ATP2C2: variants seen among roughly 807,000 people sequenced by gnomAD.
ATP2C2 encodes the protein ATPase secretory pathway Ca2+ transporting 2.
Under a neutral mutation model 110.8 loss-of-function variants are expected in ATP2C2, and 171 were observed. The ratio of observed to expected loss-of-function variants is 1.54; its 90% CI spans 1.36 to 1.75. The LOEUF is 1.75. Ranked by LOEUF, ATP2C2 falls within the 40% of genes most tolerant of loss-of-function variation. The probability of loss-of-function intolerance (pLI) is 0.00; values close to 1 mark genes in which losing one functional copy is unlikely to be tolerated. For synonymous variants in ATP2C2, 804 were observed against 508.4 expected, an observed-to-expected ratio of 1.58 and a Z score of -7.82; for missense variants, 1,963 against 1,235.0, an observed-to-expected ratio of 1.59 and a Z score of -8.84.
At chr16:84,384,341 G>A (rs984457107) in intron 1 of ATP2C2, among the ~76,000 whole-genome samples, 7 of 152,138 alleles carry the variant, frequency 4.6e-5, no homozygotes, top group Non-Finnish European at 8.8e-5. Flanking sequence ...GCTCGGGGAC[G>A]TCATAGGATG....
chr16:84,461,207 G>T (rs1036949020), intron 24 of ATP2C2: 4 of 256,362 alleles, frequency 1.6e-5, no homozygotes, highest in Non-Finnish European at 2.2e-5. Flanking sequence ...TGGCCTGCAG[G>T]TTCAGGGAGC....
At chr16:84,446,655 C>A (rs1909780034) in intron 16 of ATP2C2, among the ~76,000 whole-genome samples, 1 of 152,190 alleles carries the variant, frequency 6.6e-6, no homozygotes, top group Non-Finnish European at 1.5e-5. Flanking sequence ...CCTGGAGTAG[C>A]AGCGGTTGTT....
At chr16:84,451,799 C>A (rs752168295) in intron 17 of ATP2C2, 122 bp from the exon 18 acceptor site, 1 of 998,776 alleles carries the variant, frequency 1.0e-6, no homozygotes, top group East Asian at 2.4e-5. Context: ...CATTACACCA[C>A]TGCACTCCAA....
chr16:84,456,261 ACT>A (rs543108117), intron 21 of ATP2C2, among the ~76,000 whole-genome samples: 25,265 of 142,766 alleles, frequency 0.18, 1,531 homozygotes, highest in South Asian at 0.19. Context: ...CTGGTCCTGG[ACT>A]CTTTTTGGTT....
chr16:84,460,767 T>G lies in ATP2C2; in HGVS notation c.2447T>G (p.Ile816Ser). 6.2e-7 allele frequency: 1 copy of G among 1,613,950 alleles called. No homozygotes were observed. The highest frequency in any genetic ancestry group is 8.5e-7 in the Non-Finnish European group (1 of 1,179,880). The change falls in exon 24 of 27, where the codon ATC (isoleucine) becomes AGC (serine). Residue 816 changes from isoleucine (I) to serine (S), a missense_variant. Transcript: ENST00000262429. ...AAGATCCTCATGTCCGCGGCCATCA[T>G]CATCAGCGGGACCCTCTTTATCTTC... is the stretch of plus-strand genomic sequence containing the variant. The part of the protein sequence containing the change: ...ILKILMSAAI[I>S]ISGTLFIFWK...
Position 84,425,770 on chromosome 16 carries a change from C to T in ATP2C2, c.955C>T (p.Gln319Ter). 6.2e-7 allele frequency: 1 copy of T among 1,614,128 alleles called. No individual in the cohort carries two copies. Among genetic ancestry groups the T allele is most frequent in the African/African-American group, 1.3e-5 (1 of 75,014 alleles). ...GCTCATTGGCTGGTCGCAAGGGAAACAACTCCTGAGTATGTTCACGATCGG... is the reference window on the plus strand; with the variant it reads ...GCTCATTGGCTGGTCGCAAGGGAAATAACTCCTGAGTATGTTCACGATCGG... ...IMLIGWSQGK[Q>*]LLSMFTIGVS... Residue 319 changes from glutamine (Q) to a stop codon, truncating the protein, a stop_gained, in exon 11 of 27, where the codon CAA becomes TAA. Transcript: ENST00000262429. LOFTEE classifies it high-confidence loss of function.
intron 1 of ATP2C2, among the ~76,000 whole-genome samples, chr16:84,379,877 G>A (rs1910475879): frequency 6.6e-6 from 1 of 152,182 alleles, no homozygotes; most frequent in Non-Finnish European, 1.5e-5. Context: ...AAGGAAAGCA[G>A]AGCCTGTAAG....
chr16:84,403,070 A>G (rs1372814897), intron 2 of ATP2C2, among the ~76,000 whole-genome samples: 2 of 152,190 alleles, frequency 1.3e-5, no homozygotes, highest in Non-Finnish European at 2.9e-5. Flanking sequence ...TTATTGGCAT[A>G]TAGTTGCTCC....
chr16:84,426,281 C>G (rs1907809675), intron 11 of ATP2C2, among the ~76,000 whole-genome samples: 1 of 152,040 alleles, frequency 6.6e-6, no homozygotes, highest in Non-Finnish European at 1.5e-5. Flanking sequence ...ACAATTAGAT[C>G]TCTCAGGAAC....
At chr16:84,413,853 G>T (rs537910835) in intron 6 of ATP2C2, among the ~76,000 whole-genome samples, 1 of 152,114 alleles carries the variant, frequency 6.6e-6, no homozygotes, top group Admixed American at 6.5e-5. Flanking sequence ...AGCACCTACT[G>T]TATGCCTGGA....
intron 1 of ATP2C2, among the ~76,000 whole-genome samples, chr16:84,370,969 C>A (rs1909920719): frequency 6.6e-6 from 1 of 152,178 alleles, no homozygotes. Flanking sequence ...TTTGTTTGCT[C>A]AGTGAGCATT....
rs371722139 is a variant in ATP2C2 at position 84,439,521 on chromosome 16, C to T, written c.1206C>T (p.Ala402=). Residue 402 remains alanine (A), a synonymous_variant, in exon 13 of 27, where the codon GCC becomes GCT. Transcript: ENST00000262429. ...TQLVTSDGLR[A]EVSGVGYDGQ... ...TTGTAACGTCAGATGGGCTTCGTGC[C>T]GAGGTGAGTGCCAAAGGAATTTACA... 1.2e-5 allele frequency: 19 copies of T among 1,613,892 alleles called. No homozygotes were observed. Among genetic ancestry groups the T allele is most frequent in the African/African-American group, 9.3e-5 (7 of 74,890 alleles).
chr16:84,444,999 G>C (rs1349960791), intron 15 of ATP2C2, among the ~76,000 whole-genome samples: 2 of 152,154 alleles, frequency 1.3e-5, no homozygotes, highest in African/African-American at 4.8e-5. Context: ...TGGTGATTTA[G>C]TGTAACCAAA....
At chr16:84,404,411 A>G (rs1054445363) in intron 2 of ATP2C2, 5 of 161,220 alleles carry the variant, frequency 3.1e-5, no homozygotes, top group Admixed American at 2.4e-4. Flanking sequence ...TGACTAGTCT[A>G]TGTAATTCAT....
At chr16:84,446,978 C>G (rs540401222) in intron 16 of ATP2C2, among the ~76,000 whole-genome samples, 3 of 152,202 alleles carry the variant, frequency 2.0e-5, no homozygotes, top group Admixed American at 6.5e-5. Flanking sequence ...CGTGTGCACA[C>G]GTGTTGTCCC....
Position 84,405,114 on chromosome 16 carries a change from A to T in ATP2C2, c.211-14A>T, listed in dbSNP as rs770506184. 1.9e-6 allele frequency: 3 copies of T among 1,603,760 alleles called. No individual in the cohort carries two copies. Among genetic ancestry groups the T allele is most frequent in the East Asian group, 2.2e-5 (1 of 44,548 alleles). ...GCGCCCATGAGTGAGCTTGTGCCTG[A>T]CCTCTCCTTCCAGGTGGACTTACAC... On this transcript the variant is annotated splice_polypyrimidine_tract_variant and intron_variant, in intron 2 of 26. Transcript: ENST00000262429.
chr16:84,460,430 A>T, intron 23 of ATP2C2: 2 of 628,626 alleles, frequency 3.2e-6, no homozygotes, highest in Non-Finnish European at 5.6e-6. Flanking sequence ...GTCTTCCTTC[A>T]CTGTCTGCGG....
intron 1 of ATP2C2, among the ~76,000 whole-genome samples, chr16:84,374,844 C>G (rs1039714116): frequency 6.6e-6 from 1 of 151,972 alleles, no homozygotes; most frequent in African/African-American, 2.4e-5. Flanking sequence ...ATGAAAGACC[C>G]GAGAGTTTGG....
intron 4 of ATP2C2, among the ~76,000 whole-genome samples, chr16:84,409,155 T>C (rs1293689728): frequency 6.6e-6 from 1 of 152,144 alleles, no homozygotes; most frequent in Non-Finnish European, 1.5e-5. Context: ...TGCAGGGACA[T>C]GGATGAAGCT....
Sources: allele counts gnomAD v4.1 joint callset (sites outside exome capture counted in the v4.1 genomes callset), GRCh38; gene constraint gnomAD v4.1.1; transcripts MANE v1.5; gene names NCBI Gene and HGNC (gene_info 2026-07-23, HGNC 2026-07-21).